The following C10orf105 variants were observed in gnomAD, a reference collection of about 807,000 sequenced individuals.
C10orf105 encodes chromosome 10 open reading frame 105.
In C10orf105, 2 loss-of-function variants were observed where a neutral mutation model predicts 0.6. The ratio of observed to expected loss-of-function variants is 3.18; its 90% CI spans 1.30 to 10.01. The LOEUF is 10.01. Ranked by LOEUF, C10orf105 falls within the 30% of genes most tolerant of loss-of-function variation. The pLI is 0.04. For missense variants in C10orf105, 209 were observed against 191.4 expected (o/e 1.09, Z -0.54); for synonymous variants, 95 against 82.4 (o/e 1.15, Z -0.83).
intron 1 of C10orf105, chr10:71,730,468 G>A: frequency 6.2e-7 from 1 of 1,613,588 alleles, no homozygotes; most frequent in Non-Finnish European, 8.5e-7. Flanking sequence ...GGCTCCCACA[G>A]GTGATTGTGT....
intron 1 of C10orf105, among the ~76,000 whole-genome samples, chr10:71,731,579 C>G (rs369308421): frequency 6.6e-6 from 1 of 152,134 alleles, no homozygotes; most frequent in East Asian, 1.9e-4. Context: ...GCCCTTCTGT[C>G]GAAGGGACCA....
intron 1 of C10orf105, chr10:71,732,510 T>A: frequency 7.3e-7 from 1 of 1,363,466 alleles, no homozygotes; most frequent in Non-Finnish European, 9.9e-7. Context: ...TAGGTACCTG[T>A]AGTCCCAGCT....
In C10orf105 at chr10:71,732,484, T is replaced by C. The variant is rs1294780405; in HGVS notation, c.-6+5244A>G. On this transcript the variant is annotated intron_variant, in intron 1 of 1. Coordinates refer to the C10orf105 transcript ENST00000398786. ...TCTTTGTCATAAAATGTCCTTGAGATGGCCAAGTGTGGTGTTAGGTACCTG... is the reference window on the plus strand; with the variant it reads ...TCTTTGTCATAAAATGTCCTTGAGACGGCCAAGTGTGGTGTTAGGTACCTG... The C allele has an allele frequency of 2.1e-6, 3 of 1,462,420 alleles. No homozygotes were observed. The African/African-American group carries it at 4.2e-5, about 20-fold the overall frequency. 90.6% of individuals were successfully genotyped at this position (1,462,420 alleles called of 1,614,324 possible).
intron 1 of C10orf105, among the ~76,000 whole-genome samples, chr10:71,727,135 T>A (rs74861291): frequency 1.8e-4 from 27 of 152,310 alleles, no homozygotes; most frequent in African/African-American, 6.3e-4. Flanking sequence ...GTAACCCTCA[T>A]AATAGCCTTA....
At chr10:71,725,473 G>A (rs1455099901) in intron 1 of C10orf105, 2 of 1,613,986 alleles carry the variant, frequency 1.2e-6, no homozygotes, top group Non-Finnish European at 1.7e-6. Flanking sequence ...CGTGCTGATA[G>A]TGGAGGCCTA....
chr10:71,715,605 A>T lies in C10orf105; in HGVS notation c.*331T>A, dbSNP rs551177370. 6 of 233,088 alleles carry T rather than the reference A, an allele frequency of 2.6e-5. No individual in the cohort carries two copies. The highest frequency in any genetic ancestry group is 4.5e-5 in the African/African-American group (2 of 44,370). 14.4% of individuals were successfully genotyped at this position (233,088 alleles called of 1,614,324 possible). ...GAGGGCAAGGCTTCTGTGGCGAGCG[A>T]GGGTGCTGCTTCTAGGAGGTGGTTA... On this transcript the variant is annotated 3_prime_UTR_variant, in exon 2 of 2. Coordinates refer to ENST00000441508, the MANE Select transcript of C10orf105 (RefSeq NM_001164375.3).
At chr10:71,730,436 C>G in intron 1 of C10orf105, 3 of 1,610,254 alleles carry the variant, frequency 1.9e-6, no homozygotes, top group Non-Finnish European at 2.5e-6. Flanking sequence ...TCCACCCCAC[C>G]CTGACCTTGC....
rs1393843838 is a variant in C10orf105, at chr10:71,716,168, G to A, written c.170C>T (p.Thr57Met). The A allele has an allele frequency of 5.4e-5, 84 of 1,550,852 alleles. No individual in the cohort carries two copies. The highest frequency in any genetic ancestry group is 6.7e-5 in the Non-Finnish European group (77 of 1,146,834). Residue 57 changes from threonine (T) to methionine (M), a missense_variant, in exon 2 of 2, where the codon ACG (threonine) becomes ATG (methionine). Physicochemically the swap from Thr to Met is moderately conservative, Grantham distance 81. Coordinates refer to ENST00000441508, the MANE Select transcript of C10orf105 (RefSeq NM_001164375.3). ...GTCCAGCGCGGCCGGCTTGCAGAGC[G>A]TCATGAACAGCAGACAGGTGGCCAG... ...LLLATCLLFM[T>M]LCKPAALDPS...
chr10:71,731,058 T>C (rs1839363741), intron 1 of C10orf105, among the ~76,000 whole-genome samples: 4 of 152,304 alleles, frequency 2.6e-5, no homozygotes, highest in South Asian at 2.1e-4. Context: ...ACCCTTCCTG[T>C]GCCGCAGGGC....
At chr10:71,729,885 A>C (rs1839304457) in intron 1 of C10orf105, among the ~76,000 whole-genome samples, 1 of 151,230 alleles carries the variant, frequency 6.6e-6, no homozygotes, top group Admixed American at 6.6e-5. Context: ...CCCAGGCTGG[A>C]GTGCAGTGGC....
rs1215183185 is a variant in C10orf105, at chr10:71,716,145, C to T, written c.193G>A (p.Asp65Asn). The T allele has an allele frequency of 6.5e-7, 1 of 1,550,300 alleles. No homozygotes were observed. Among genetic ancestry groups the T allele is most frequent in the African/African-American group, 1.4e-5 (1 of 73,016 alleles). The change falls in exon 2 of 2, where the codon GAC (aspartate) becomes AAC (asparagine). Residue 65 changes from aspartate (D) to asparagine (N), a missense_variant. Transcript: ENST00000441508. ...TCGTGAGCCCTGCGGCGGCTCGGGT[C>T]CAGCGCGGCCGGCTTGCAGAGCGTC... ...FMTLCKPAAL[D>N]PSRRRAHECM...
chr10:71,727,045 G>A (rs771452916), intron 1 of C10orf105, among the ~76,000 whole-genome samples: 9 of 152,186 alleles, frequency 5.9e-5, no homozygotes, highest in East Asian at 1.9e-4. Context: ...CGTCCTGCCC[G>A]TCTCCCCTGA....
chr10:71,713,126 G>A lies in C10orf105; in HGVS notation c.*2810C>T, dbSNP rs955650825. On this transcript the variant is annotated 3_prime_UTR_variant, in exon 2 of 2. Coordinates refer to ENST00000441508, the MANE Select transcript of C10orf105 (RefSeq NM_001164375.3). ...TTCAGAGTAGCGGGGAGAAAGAGAC[G>A]TCACAATTTCCCGGAAAGGAGTTGA... 1.2e-5 allele frequency: 9 copies of A among 777,390 alleles called. No individual in the cohort carries two copies. The highest frequency in any genetic ancestry group is 4.5e-4 in the Middle Eastern group (2 of 4,464). The allele number at this position is 777,390 out of a possible 1,614,324, so 48.2% of individuals were successfully genotyped here.
upstream of C10orf105, among the ~76,000 whole-genome samples, chr10:71,724,320 T>C (rs576408887): frequency 1.9e-4 from 29 of 152,198 alleles, no homozygotes; most frequent in Non-Finnish European, 3.5e-4. Context: ...TGAGACGGAG[T>C]CTCCCTCTGT....
Position 71,729,316 on chromosome 10 carries a change from T to C in C10orf105, c.-6+8412A>G, listed in dbSNP as rs530033367. ...GAGACAAGGATTGGTGTGAAAGTAA[T>C]GTGTAAGAAGCGCCCACAGGAAAAG... On this transcript the variant is annotated intron_variant, in intron 1 of 1. Coordinates refer to the C10orf105 transcript ENST00000398786. 5.3e-5 allele frequency among the ~76,000 whole-genome samples: 8 copies of C among 152,178 alleles called. No homozygotes were observed. In the East Asian group the frequency reaches 7.7e-4, roughly 15 times the overall value.
chr10:71,712,625 C>G lies in C10orf105; in HGVS notation c.*3311G>C. ...AGTCACAGGAAGTGTGCCCCTCTCT[C>G]AGGCAGCTGCTAACACCTGTCTTCC... On this transcript the variant is annotated 3_prime_UTR_variant, in exon 2 of 2. Coordinates refer to ENST00000441508, the MANE Select transcript of C10orf105 (RefSeq NM_001164375.3). 1 of 1,607,696 alleles carries G rather than the reference C, an allele frequency of 6.2e-7. No homozygotes were observed. The highest frequency in any genetic ancestry group is 8.5e-7 in the Non-Finnish European group (1 of 1,175,886).
At chr10:71,732,957 T>C (rs966671422) in intron 1 of C10orf105, among the ~76,000 whole-genome samples, 2 of 152,134 alleles carry the variant, frequency 1.3e-5, no homozygotes, top group Non-Finnish European at 2.9e-5. Context: ...CACGCAATTC[T>C]CCAGTAGACA....
intron 1 of C10orf105, among the ~76,000 whole-genome samples, chr10:71,725,834 C>T (rs930326956): frequency 2.0e-5 from 3 of 152,182 alleles, no homozygotes; most frequent in African/African-American, 4.8e-5. Context: ...TCAAGGAAAT[C>T]TCACTTGGGT....
At chr10:71,722,811 C>T (rs1244015323), upstream of C10orf105, among the ~76,000 whole-genome samples, 1 of 152,196 alleles carries the variant, frequency 6.6e-6, no homozygotes, top group Non-Finnish European at 1.5e-5. Flanking sequence ...GAGGCCAGCA[C>T]ACGCTTGGTG....
Sources: gnomAD v4.1 joint callset for allele counts (sites outside exome capture counted in the v4.1 genomes callset) on GRCh38, gnomAD v4.1.1 for gene constraint, MANE v1.5 for transcripts, NCBI Gene and HGNC (gene_info 2026-07-23, HGNC 2026-07-21) for gene names.